Variants in GRIN2A observed in about 807,000 individuals in gnomAD.
GRIN2A encodes glutamate receptor ionotropic, NMDA 2A.
GRIN2A carries 22 observed loss-of-function variants against 113.4 expected under a neutral mutation model. The ratio of observed to expected loss-of-function variants is 0.19; its 90% CI spans 0.14 to 0.28. The LOEUF (loss-of-function observed/expected upper bound fraction) is 0.28. Among genes scored for constraint, GRIN2A ranks in the 10% least tolerant of loss-of-function variants. The probability of loss-of-function intolerance (pLI) is 1.00; values close to 1 mark genes in which losing one functional copy is unlikely to be tolerated. For synonymous variants in GRIN2A, 827 were observed against 738.4 expected, an observed-to-expected ratio of 1.12 and a Z score of -1.94; for missense variants, 1,502 against 1,887.0, an observed-to-expected ratio of 0.80 and a Z score of 3.78.
At chr16:9,847,181 C>A (rs1018452422) in intron 5 of GRIN2A, among the ~76,000 whole-genome samples, 2 of 151,802 alleles carry the variant, frequency 1.3e-5, no homozygotes, top group Non-Finnish European at 2.9e-5. Flanking sequence ...GATCTGGGAT[C>A]TATAAAAGAG....
intron 4 of GRIN2A, among the ~76,000 whole-genome samples, chr16:9,888,788 T>C (rs1029930): frequency 0.011 from 1,704 of 152,116 alleles, 32 homozygotes; most frequent in African/African-American, 0.038. Flanking sequence ...CTTTATCAGA[T>C]TGAGGAATTT....
chr16:9,765,349 C>A (rs1160282880), intron 12 of GRIN2A, among the ~76,000 whole-genome samples: 1 of 152,196 alleles, frequency 6.6e-6, no homozygotes, highest in Non-Finnish European at 1.5e-5. Flanking sequence ...AAAGTTTAGG[C>A]ACCAGAGAGT....
At chr16:9,964,878 G>A (rs1045748300) in intron 2 of GRIN2A, among the ~76,000 whole-genome samples, 1 of 152,170 alleles carries the variant, frequency 6.6e-6, no homozygotes, top group East Asian at 1.9e-4. Context: ...GGACATCTTA[G>A]GGAAGCCATT....
At chr16:9,810,868 T>A (rs537962572) in intron 10 of GRIN2A, among the ~76,000 whole-genome samples, 3 of 152,264 alleles carry the variant, frequency 2.0e-5, no homozygotes, top group African/African-American at 7.2e-5. Context: ...TGCATTTCTC[T>A]ATGGGAGGAA....
intron 2 of GRIN2A, among the ~76,000 whole-genome samples, chr16:10,092,868 T>C (rs2048207362): frequency 1.3e-5 from 2 of 151,976 alleles, no homozygotes; most frequent in South Asian, 4.2e-4. Flanking sequence ...TTGCTTTTTT[T>C]TTTTTTTTTT....
intron 2 of GRIN2A, among the ~76,000 whole-genome samples, chr16:9,991,133 T>A (rs764973195): frequency 6.6e-6 from 1 of 152,062 alleles, no homozygotes; most frequent in South Asian, 2.1e-4. Context: ...AAAAGGAAAA[T>A]GGAAAAAGGC....
At chr16:9,824,227 C>T (rs911083339) in intron 9 of GRIN2A, among the ~76,000 whole-genome samples, 6 of 152,180 alleles carry the variant, frequency 3.9e-5, no homozygotes, top group East Asian at 1.9e-4. Context: ...GGAGTATGTG[C>T]GTCCACGTGT....
At chr16:9,839,663 A>C (rs540003423) in intron 7 of GRIN2A, among the ~76,000 whole-genome samples, 1 of 152,318 alleles carries the variant, frequency 6.6e-6, no homozygotes, top group East Asian at 1.9e-4. Context: ...ATAAAGGTCT[A>C]TGAGCTGGTT....
Position 9,923,120 on chromosome 16 carries a change from A to C in GRIN2A, c.1007+14839T>G, listed in dbSNP as rs565589588. Reference sequence around the variant, plus strand: ...ATTTATTTCCCCTTGCAGTTGCATCAGTTTTGCTTCATTATTTTGAAGCTA... The same window carrying C: ...ATTTATTTCCCCTTGCAGTTGCATCCGTTTTGCTTCATTATTTTGAAGCTA... On this transcript the variant is annotated intron_variant, in intron 3 of 12. Coordinates refer to ENST00000330684, the MANE Select transcript of GRIN2A (RefSeq NM_001134407.3). 1.8e-3 allele frequency among the ~76,000 whole-genome samples: 270 copies of C among 152,178 alleles called. 1 individual carries two copies. The highest frequency in any genetic ancestry group is 0.01 in the Middle Eastern group (3 of 294).
intron 2 of GRIN2A, among the ~76,000 whole-genome samples, chr16:10,026,091 A>G (rs2046814779): frequency 1.3e-5 from 2 of 152,172 alleles, no homozygotes. Flanking sequence ...TCACTACAGA[A>G]AAAAATAAAA....
At position 9,776,141 on chromosome 16, in the gene GRIN2A, G is replaced by A. The variant is rs545678833; in HGVS notation, c.2357-7052C>T. ...ACAGTCTACTCTGGATATACCAGCT[G>A]CATGGTATTTGTGCTGAAAACTTGG... On this transcript the variant is annotated intron_variant, in intron 11 of 12. Transcript: ENST00000330684. 3.3e-5 allele frequency among the ~76,000 whole-genome samples: 5 copies of A among 152,292 alleles called. No individual in the cohort carries two copies. In the East Asian group the frequency reaches 5.8e-4, roughly 18 times the overall value.
chr16:10,127,538 C>T lies in GRIN2A; in HGVS notation c.414+52460G>A, dbSNP rs374942173. ...GCCAGGCACCCTTGTGCACCAAGAG[C>T]CTTTAGTATCATTTCTAGCATCATG... On this transcript the variant is annotated intron_variant, in intron 2 of 12. Coordinates refer to ENST00000330684, the MANE Select transcript of GRIN2A (RefSeq NM_001134407.3). Among the ~76,000 whole-genome samples, 6 of 152,248 alleles carry T rather than the reference C, an allele frequency of 3.9e-5. No individual in the cohort carries two copies. The South Asian group carries it at 1.0e-3, about 26-fold the overall frequency.
intron 2 of GRIN2A, among the ~76,000 whole-genome samples, chr16:10,093,362 T>C (rs1875307328): frequency 6.6e-6 from 1 of 152,188 alleles, no homozygotes; most frequent in South Asian, 2.1e-4. Flanking sequence ...CCCAGGTGTG[T>C]GTCCTGCTTC....
chr16:9,882,538 G>C (rs1054311122), intron 4 of GRIN2A, among the ~76,000 whole-genome samples: 4 of 152,174 alleles, frequency 2.6e-5, no homozygotes, highest in Admixed American at 6.5e-5. Flanking sequence ...TGTAATTCCA[G>C]CACTCTGGGA....
chr16:9,922,511 C>G (rs56896918), intron 3 of GRIN2A, among the ~76,000 whole-genome samples: 1 of 152,114 alleles, frequency 6.6e-6, no homozygotes, highest in Non-Finnish European at 1.5e-5. Context: ...ACCCAGTTTT[C>G]TATTATTTTT....
chr16:10,001,102 T>C (rs943852452), intron 2 of GRIN2A, among the ~76,000 whole-genome samples: 1 of 152,182 alleles, frequency 6.6e-6, no homozygotes, highest in Non-Finnish European at 1.5e-5. Context: ...CCAATTGTCC[T>C]GGGCAAGTTA....
At chr16:10,061,584 AG>A (rs2047550978) in intron 2 of GRIN2A, among the ~76,000 whole-genome samples, 1 of 152,158 alleles carries the variant, frequency 6.6e-6, no homozygotes, top group African/African-American at 2.4e-5. Context: ...CTTCTGAAAA[AG>A]ACTCCCAAAC....
chr16:10,169,866 A>C (rs943080337), intron 2 of GRIN2A, among the ~76,000 whole-genome samples: 39 of 152,178 alleles, frequency 2.6e-4, no homozygotes, highest in Admixed American at 2.4e-3. Flanking sequence ...CACTTTTTAT[A>C]AGGCCACAAC....
intron 2 of GRIN2A, among the ~76,000 whole-genome samples, chr16:10,068,154 A>G (rs2047684098): frequency 6.6e-6 from 1 of 152,232 alleles, no homozygotes; most frequent in African/African-American, 2.4e-5. Flanking sequence ...TTATTTACTA[A>G]TTCACTCAGT....
Sources: allele counts gnomAD v4.1 joint callset (sites outside exome capture counted in the v4.1 genomes callset), GRCh38; gene constraint gnomAD v4.1.1; transcripts MANE v1.5; gene names NCBI Gene and HGNC (gene_info 2026-07-23, HGNC 2026-07-21).